Variants in FMNL2 observed in about 807,000 individuals in gnomAD.
FMNL2 encodes formin like 2, also known as formin-like protein 2.
FMNL2 carries 51 observed loss-of-function variants against 130.2 expected under a neutral mutation model. That is an observed-to-expected ratio of 0.39 (90% confidence interval 0.31 to 0.49). The LOEUF is 0.49. FMNL2 is among the 20% of genes least tolerant of loss of function. FMNL2 has a pLI of 0.85. For missense variants in FMNL2, 977 were observed against 1,316.2 expected (o/e 0.74, Z 3.99); for synonymous variants, 465 against 467.1 (o/e 1.00, Z 0.06).
intron 24 of FMNL2, 61 bp downstream of exon 24, chr2:152,640,117 G>A (rs1682956132): frequency 7.0e-7 from 1 of 1,420,392 alleles, no homozygotes; most frequent in Non-Finnish European, 9.4e-7. Context: ...GCTCTTCAGA[G>A]CAAGCCATAC....
chr2:152,619,425 A>G, intron 14 of FMNL2, 84 bp from the exon 15 acceptor site: 1 of 1,534,062 alleles, frequency 6.5e-7, no homozygotes, highest in Non-Finnish European at 8.8e-7. Context: ...TGTTGTTTTC[A>G]GATGGCTTTA....
At chr2:152,336,795 AG>A (rs1681491566) in intron 1 of FMNL2, among the ~76,000 whole-genome samples, 1 of 152,048 alleles carries the variant, frequency 6.6e-6, no homozygotes, top group South Asian at 2.1e-4. Context: ...CTCTTTTCCT[AG>A]TTGGTTACCT....
At chr2:152,564,959 G>T (rs1017124839) in intron 6 of FMNL2, among the ~76,000 whole-genome samples, 1 of 152,010 alleles carries the variant, frequency 6.6e-6, no homozygotes, top group Admixed American at 6.6e-5. Context: ...CTTGGCTAGA[G>T]GGAAACTGTT....
chr2:152,522,072 A>T, intron 2 of FMNL2, 46 bp downstream of exon 2: 2 of 1,483,672 alleles, frequency 1.3e-6, no homozygotes, highest in Non-Finnish European at 1.9e-6. Context: ...TAATGAAAGA[A>T]GAGATCCAGT....
chr2:152,526,855 A>G (rs1693418445), intron 2 of FMNL2, among the ~76,000 whole-genome samples: 1 of 152,090 alleles, frequency 6.6e-6, no homozygotes, highest in African/African-American at 2.4e-5. Flanking sequence ...TGCACCTTAT[A>G]AAATTTTTCT....
Position 152,636,416 on chromosome 2 carries a change from C to T in FMNL2, c.2681-11C>T, listed in dbSNP as rs2105950837. The T allele has an allele frequency of 6.2e-7, 1 of 1,606,202 alleles. No individual in the cohort carries two copies. The highest frequency in any genetic ancestry group is 8.5e-7 in the Non-Finnish European group (1 of 1,175,814). On this transcript the variant is annotated splice_polypyrimidine_tract_variant and intron_variant, in intron 21 of 25. Transcript: ENST00000288670. ...ATTGAGTTTCACTGGGATGTTCTTT[C>T]TCTGCTTTAGTCTCCCTTGAGAATG...
chr2:152,377,402 C>G (rs1387001703), intron 1 of FMNL2, among the ~76,000 whole-genome samples: 1 of 152,218 alleles, frequency 6.6e-6, no homozygotes, highest in Non-Finnish European at 1.5e-5. Flanking sequence ...AGTCTATCCT[C>G]TTTTAAAGAG....
chr2:152,386,897 C>T (rs897510053), intron 1 of FMNL2, among the ~76,000 whole-genome samples: 1 of 152,074 alleles, frequency 6.6e-6, no homozygotes, highest in Non-Finnish European at 1.5e-5. Context: ...GTAGAGAAAA[C>T]CTTTGTTGCT....
intron 6 of FMNL2, among the ~76,000 whole-genome samples, chr2:152,564,519 C>A (rs140926558): frequency 1.1e-3 from 174 of 152,142 alleles, no homozygotes; most frequent in African/African-American, 4.0e-3. Context: ...GTCAGGAGTT[C>A]GAGACCAGCC....
intron 1 of FMNL2, among the ~76,000 whole-genome samples, chr2:152,430,409 T>C (rs954917606): frequency 5.3e-5 from 8 of 152,236 alleles, no homozygotes; most frequent in Non-Finnish European, 1.2e-4. Context: ...GCTGAAGGTG[T>C]GTTAACTCAT....
intron 1 of FMNL2, among the ~76,000 whole-genome samples, chr2:152,517,810 C>T (rs761215821): frequency 6.6e-6 from 1 of 152,136 alleles, no homozygotes; most frequent in Non-Finnish European, 1.5e-5. Flanking sequence ...ATTAAGTTGT[C>T]TCAGATGCCT....
intron 2 of FMNL2, among the ~76,000 whole-genome samples, chr2:152,533,707 T>C (rs2105454887): frequency 6.6e-6 from 1 of 151,498 alleles, no homozygotes; most frequent in South Asian, 2.1e-4. Flanking sequence ...TCAGTAGAAT[T>C]GACATTTATA....
chr2:152,366,277 G>A (rs1332687588), intron 1 of FMNL2, among the ~76,000 whole-genome samples: 11 of 129,952 alleles, frequency 8.5e-5, no homozygotes, highest in African/African-American at 2.3e-4. Context: ...ATCACACACC[G>A]GGGACTGTTG....
chr2:152,364,262 T>TGTG (rs1491097206), intron 1 of FMNL2, among the ~76,000 whole-genome samples: 1 of 7,282 alleles, frequency 1.4e-4, no homozygotes, highest in East Asian at 4.2e-4. Context: ...GGTTTGTGTG[T>TGTG]TTTTTTTTTT....
At chr2:152,518,150 C>G (rs905479284) in intron 1 of FMNL2, among the ~76,000 whole-genome samples, 4 of 152,144 alleles carry the variant, frequency 2.6e-5, no homozygotes, top group Non-Finnish European at 5.9e-5. Flanking sequence ...TGAGTTCACT[C>G]GAAAGAAGTT....
intron 1 of FMNL2, among the ~76,000 whole-genome samples, chr2:152,473,796 A>G (rs895037606): frequency 1.3e-5 from 2 of 152,228 alleles, no homozygotes; most frequent in Admixed American, 1.3e-4. Flanking sequence ...TGTACAATGA[A>G]TATCTTGGAC....
At position 152,392,020 on chromosome 2, in the gene FMNL2, C is replaced by T. The variant is rs1344612038; in HGVS notation, c.117+56300C>T. Among the ~76,000 whole-genome samples the T allele has an allele frequency of 1.3e-5, 2 of 151,452 alleles. 1 individual carries two copies. The highest frequency in any genetic ancestry group is 1.3e-4 in the Admixed American group (2 of 15,194). On this transcript the variant is annotated intron_variant, in intron 1 of 25. Coordinates refer to ENST00000288670, the MANE Select transcript of FMNL2 (RefSeq NM_052905.4). ...TTGATTCATTTGCAAGATTGCCACC[C>T]TCCTTGCTATTTACAATAATTCATT...
At chr2:152,490,181 A>G (rs1391076444) in intron 1 of FMNL2, among the ~76,000 whole-genome samples, 1 of 152,158 alleles carries the variant, frequency 6.6e-6, no homozygotes. Flanking sequence ...AAACTTGCAA[A>G]AAAAGGGGAA....
At chr2:152,477,467 C>A (rs1690216433) in intron 1 of FMNL2, among the ~76,000 whole-genome samples, 1 of 152,030 alleles carries the variant, frequency 6.6e-6, no homozygotes, top group Non-Finnish European at 1.5e-5. Flanking sequence ...GCTGTTTTAC[C>A]CCCATCCCAA....
Sources: gnomAD v4.1 joint callset for allele counts (sites outside exome capture counted in the v4.1 genomes callset) on GRCh38, gnomAD v4.1.1 for gene constraint, MANE v1.5 for transcripts, NCBI Gene and HGNC (gene_info 2026-07-23, HGNC 2026-07-21) for gene names.